Variants in LRRC37A2 observed in about 807,000 individuals in gnomAD.
LRRC37A2 encodes the protein leucine rich repeat containing 37 member A2, also known as leucine-rich repeat-containing protein 37A2.
Under a neutral mutation model 68.8 loss-of-function variants are expected in LRRC37A2, and 9 were observed. The observed-to-expected ratio is 0.13, with a 90% CI of 0.08 to 0.23. LRRC37A2 has a LOEUF of 0.23. LRRC37A2 is among the 10% of genes least tolerant of loss of function. The pLI is 1.00. For synonymous variants in LRRC37A2, 63 were observed against 367.6 expected (o/e 0.17, Z 9.48); for missense variants, 168 against 950.4 (o/e 0.18, Z 10.82).
the LRRC37A2 span, chr17:46,755,467 T>G: frequency 1.9e-6 from 2 of 1,063,466 alleles, no homozygotes; most frequent in African/African-American, 3.1e-5. Context: ...TAAGTTTGTT[T>G]CCATTTATTT....
the LRRC37A2 span, chr17:46,934,917 T>C: frequency 2.1e-6 from 2 of 951,344 alleles, no homozygotes; most frequent in Non-Finnish European, 3.4e-6. Context: ...GCTGATTCTT[T>C]CACCAGCCCC....
At chr17:46,789,887 G>A in the LRRC37A2 span, among the ~76,000 whole-genome samples, 2 of 152,218 alleles carry the variant, frequency 1.3e-5, no homozygotes, top group Non-Finnish European at 2.9e-5. Flanking sequence ...TCAGGGCAAC[G>A]ATTCCACTCT....
chr17:46,857,498 A>G, the LRRC37A2 span, among the ~76,000 whole-genome samples: 1 of 145,844 alleles, frequency 6.9e-6, no homozygotes, highest in Non-Finnish European at 1.5e-5. Context: ...AAAAAAAAAG[A>G]TATTTGGGTT....
chr17:46,733,539 G>A, the LRRC37A2 span, among the ~76,000 whole-genome samples: 99 of 152,236 alleles, frequency 6.5e-4, 1 homozygote, highest in African/African-American at 1.7e-3. Flanking sequence ...GGGTAGCCTC[G>A]TAATTTATGG....
chr17:46,860,404 C>T, the LRRC37A2 span, among the ~76,000 whole-genome samples: 1 of 152,132 alleles, frequency 6.6e-6, no homozygotes, highest in Non-Finnish European at 1.5e-5. Context: ...TGAGCAGGAT[C>T]GGACATGGCC....
chr17:46,934,959 GAC>G, the LRRC37A2 span: 2 of 1,431,214 alleles, frequency 1.4e-6, no homozygotes, highest in Admixed American at 3.3e-5. Context: ...TTGGCCAAAA[GAC>G]AGAGCAGTGA....
chr17:46,583,249 T>C, the LRRC37A2 span, among the ~76,000 whole-genome samples: 1 of 68,706 alleles, frequency 1.5e-5, no homozygotes, highest in African/African-American at 4.1e-5. Context: ...CAGGTGTGAG[T>C]CACCGCGCCC....
the LRRC37A2 span, among the ~76,000 whole-genome samples, chr17:46,737,201 A>G: frequency 6.6e-6 from 1 of 152,352 alleles, no homozygotes; most frequent in Admixed American, 6.5e-5. Flanking sequence ...AAGTTTGTGC[A>G]CAAGGTGGGC....
the LRRC37A2 span, among the ~76,000 whole-genome samples, chr17:47,027,903 G>A: frequency 6.6e-6 from 1 of 152,230 alleles, no homozygotes; most frequent in Middle Eastern, 3.2e-3. Flanking sequence ...AAAACTGTGA[G>A]TGTGCTCCTG....
the LRRC37A2 span, among the ~76,000 whole-genome samples, chr17:46,788,184 T>C: frequency 6.6e-6 from 1 of 152,226 alleles, no homozygotes; most frequent in Non-Finnish European, 1.5e-5. Context: ...CTCCTGGAGC[T>C]TGGCCATCTG....
chr17:46,824,459 G>A, the LRRC37A2 span, among the ~76,000 whole-genome samples: 2 of 152,186 alleles, frequency 1.3e-5, no homozygotes, highest in Admixed American at 1.3e-4. Flanking sequence ...ATGTTGGCCA[G>A]GCTGGTCTTG....
the LRRC37A2 span, among the ~76,000 whole-genome samples, chr17:46,774,536 C>T: frequency 4.6e-5 from 7 of 152,254 alleles, no homozygotes; most frequent in African/African-American, 1.4e-4. Flanking sequence ...TAGAGCTCCA[C>T]CTCTTTTCTC....
chr17:46,962,254 G>A, the LRRC37A2 span, among the ~76,000 whole-genome samples: 3 of 152,016 alleles, frequency 2.0e-5, no homozygotes, highest in African/African-American at 4.8e-5. Flanking sequence ...ATTTGAACCC[G>A]GGAGGTGGAG....
At chr17:46,808,746 A>G in the LRRC37A2 span, among the ~76,000 whole-genome samples, 1 of 152,310 alleles carries the variant, frequency 6.6e-6, no homozygotes, top group Non-Finnish European at 1.5e-5. Flanking sequence ...TGAACTGGTG[A>G]ACATGGAGGG....
chr17:46,801,066 T>C, the LRRC37A2 span, among the ~76,000 whole-genome samples: 1 of 152,230 alleles, frequency 6.6e-6, no homozygotes, highest in African/African-American at 2.4e-5. Context: ...TAGTCTCACA[T>C]GCGTTATATC....
At chr17:46,939,157 C>T in the LRRC37A2 span, 1 of 1,110,030 alleles carries the variant, frequency 9.0e-7, no homozygotes, top group South Asian at 2.4e-5. Flanking sequence ...CTTTCTGGCT[C>T]CTGATAGGGT....
the LRRC37A2 span, among the ~76,000 whole-genome samples, chr17:46,499,032 A>G: frequency 6.7e-6 from 1 of 149,692 alleles, no homozygotes; most frequent in African/African-American, 2.5e-5. Context: ...AGCACTCTAT[A>G]GGCCAGGCAT....
At chr17:46,889,564 A>G in the LRRC37A2 span, among the ~76,000 whole-genome samples, 4 of 151,954 alleles carry the variant, frequency 2.6e-5, no homozygotes, top group African/African-American at 9.7e-5. Flanking sequence ...GCTAATTAAG[A>G]CCTCTGACTT....
chr17:47,003,328 T>C, the LRRC37A2 span, among the ~76,000 whole-genome samples: 2 of 151,532 alleles, frequency 1.3e-5, no homozygotes, highest in Non-Finnish European at 2.9e-5. Context: ...GTCGGGCACT[T>C]ATATACTATA....
Sources: gnomAD v4.1 joint callset for allele counts (sites outside exome capture counted in the v4.1 genomes callset) on GRCh38, gnomAD v4.1.1 for gene constraint, MANE v1.5 for transcripts, NCBI Gene and HGNC (gene_info 2026-07-23, HGNC 2026-07-21) for gene names.